GALNT17: variants seen among roughly 807,000 people sequenced by gnomAD.
The protein encoded by GALNT17 is UDP-GalNAc:polypeptide N-acetylgalactosaminyltransferase-like 3.
In GALNT17, 29 loss-of-function variants were observed where a neutral mutation model predicts 63.7. The observed-to-expected ratio is 0.46, with a 90% CI of 0.34 to 0.62. The LOEUF (loss-of-function observed/expected upper bound fraction) is 0.62. Among genes scored for constraint, GALNT17 ranks in the 20% least tolerant of loss-of-function variants. The pLI is 0.01. For missense variants in GALNT17, 603 were observed against 799.6 expected, an observed-to-expected ratio of 0.75 and a Z score of 2.97; for synonymous variants, 305 against 318.3, an observed-to-expected ratio of 0.96 and a Z score of 0.45.
At chr7:71,424,281 A>G (rs1375897888) in intron 5 of GALNT17, among the ~76,000 whole-genome samples, 1 of 152,230 alleles carries the variant, frequency 6.6e-6, no homozygotes, top group Non-Finnish European at 1.5e-5. Flanking sequence ...AGTGAGTTTC[A>G]TGTGTTGGCT....
intron 5 of GALNT17, among the ~76,000 whole-genome samples, chr7:71,452,827 TTTG>T (rs202055378): frequency 3.3e-5 from 5 of 152,274 alleles, no homozygotes; most frequent in African/African-American, 9.6e-5. Flanking sequence ...ATCTTGTTTT[TTTG>T]TTGTTGTTGT....
At chr7:71,155,897 T>G (rs1788226505) in intron 1 of GALNT17, among the ~76,000 whole-genome samples, 1 of 151,850 alleles carries the variant, frequency 6.6e-6, no homozygotes, top group Admixed American at 6.6e-5. Context: ...AGTGAGAACT[T>G]TTAAAAATTT....
At chr7:71,191,761 C>A (rs1451495300) in intron 1 of GALNT17, among the ~76,000 whole-genome samples, 1 of 152,000 alleles carries the variant, frequency 6.6e-6, no homozygotes, top group Non-Finnish European at 1.5e-5. Context: ...CTTTTGTGTG[C>A]CTGCATTTTC....
chr7:71,295,505 C>T (rs1383955013), intron 1 of GALNT17, among the ~76,000 whole-genome samples: 3 of 151,186 alleles, frequency 2.0e-5, no homozygotes, highest in East Asian at 3.9e-4. Context: ...TTTCTTTTTT[C>T]CTTTCTTCCT....
chr7:71,213,529 T>C (rs1789420950), intron 1 of GALNT17, among the ~76,000 whole-genome samples: 3 of 152,246 alleles, frequency 2.0e-5, no homozygotes, highest in African/African-American at 7.2e-5. Flanking sequence ...TATATATCCA[T>C]TTCTTAAGTG....
chr7:71,239,232 G>C (rs1789949201), intron 1 of GALNT17, among the ~76,000 whole-genome samples: 1 of 152,136 alleles, frequency 6.6e-6, no homozygotes, highest in Non-Finnish European at 1.5e-5. Flanking sequence ...GGCTGAGGTG[G>C]GAGGATTACT....
At chr7:71,196,769 T>C (rs1324916107) in intron 1 of GALNT17, among the ~76,000 whole-genome samples, 1 of 152,128 alleles carries the variant, frequency 6.6e-6, no homozygotes, top group East Asian at 1.9e-4. Flanking sequence ...TTCTCCTGCC[T>C]CAGCCTCCTG....
intron 5 of GALNT17, among the ~76,000 whole-genome samples, chr7:71,451,559 T>C (rs1035107357): frequency 4.6e-5 from 7 of 152,224 alleles, no homozygotes; most frequent in Non-Finnish European, 7.3e-5. Flanking sequence ...ATTTGAATTT[T>C]ATTAATTCAT....
In GALNT17 at chr7:71,335,644, T is replaced by C. The variant is rs767151690; in HGVS notation, c.333T>C (p.Ala111=). The C allele has an allele frequency of 3.3e-5, 53 of 1,613,648 alleles. No homozygotes were observed. The highest frequency in any genetic ancestry group is 4.2e-5 in the Non-Finnish European group (50 of 1,179,846). The change falls in exon 2 of 11, where the codon GCT becomes GCC. Residue 111 remains alanine (A), a synonymous_variant. Coordinates refer to ENST00000333538, the MANE Select transcript of GALNT17 (RefSeq NM_022479.3). ...TTTCCCCGGCTGAAGAAGAAAAGGC[T>C]AAGGGACCCCATGAGAAGTATGGCT... ...ATLSPAEEEK[A]KGPHEKYGYN... is the part of the protein sequence containing the mutation.
At chr7:71,457,219 C>G (rs1184071448) in intron 5 of GALNT17, among the ~76,000 whole-genome samples, 1 of 152,182 alleles carries the variant, frequency 6.6e-6, no homozygotes, top group Non-Finnish European at 1.5e-5. Context: ...TTGAGGCCTG[C>G]AGGGAATTTC....
chr7:71,684,647 C>T (rs535403248), intron 9 of GALNT17, among the ~76,000 whole-genome samples: 7 of 152,232 alleles, frequency 4.6e-5, no homozygotes, highest in African/African-American at 1.2e-4. Flanking sequence ...TAAATAGTAA[C>T]CTCCTCCCAT....
chr7:71,510,059 C>G (rs547006816), intron 5 of GALNT17, among the ~76,000 whole-genome samples: 61 of 152,178 alleles, frequency 4.0e-4, no homozygotes, highest in Non-Finnish European at 6.0e-4. Context: ...ATCCTCCTGC[C>G]TTGGTCTCCC....
At chr7:71,271,462 A>G (rs1368997687) in intron 1 of GALNT17, among the ~76,000 whole-genome samples, 1 of 152,230 alleles carries the variant, frequency 6.6e-6, no homozygotes, top group African/African-American at 2.4e-5. Context: ...AGATAACCTC[A>G]TGTCCAGGAA....
intron 1 of GALNT17, among the ~76,000 whole-genome samples, chr7:71,324,148 GAA>G (rs1791663238): frequency 6.6e-6 from 1 of 152,164 alleles, no homozygotes; most frequent in Non-Finnish European, 1.5e-5. Context: ...CATATTACGT[GAA>G]AACTTTGGGA....
At chr7:71,392,009 A>G (rs911513512) in intron 3 of GALNT17, among the ~76,000 whole-genome samples, 1 of 152,074 alleles carries the variant, frequency 6.6e-6, no homozygotes, top group African/African-American at 2.4e-5. Context: ...ACCATGAAGG[A>G]GGCATCGAGC....
chr7:71,640,252 C>T (rs998553931), intron 6 of GALNT17, among the ~76,000 whole-genome samples: 4 of 152,112 alleles, frequency 2.6e-5, no homozygotes, highest in South Asian at 2.1e-4. Flanking sequence ...CTCTTTGGTT[C>T]GATTTTCCCT....
intron 1 of GALNT17, among the ~76,000 whole-genome samples, chr7:71,216,395 A>G (rs1789478262): frequency 6.6e-6 from 1 of 152,148 alleles, no homozygotes; most frequent in African/African-American, 2.4e-5. Flanking sequence ...GCTCTGGGGG[A>G]ACGCCAGAAG....
At chr7:71,389,192 G>A (rs1345065220) in intron 3 of GALNT17, among the ~76,000 whole-genome samples, 2 of 151,864 alleles carry the variant, frequency 1.3e-5, no homozygotes, top group African/African-American at 4.8e-5. Flanking sequence ...GGAGTGCAGT[G>A]GTATGATCTT....
At chr7:71,386,335 T>C (rs1386910491) in intron 2 of GALNT17, among the ~76,000 whole-genome samples, 4 of 152,214 alleles carry the variant, frequency 2.6e-5, no homozygotes, top group African/African-American at 9.6e-5. Flanking sequence ...TCTGCTTCTC[T>C]CTCACTCCAT....
Sources: gnomAD v4.1 joint callset for allele counts (sites outside exome capture counted in the v4.1 genomes callset) on GRCh38, gnomAD v4.1.1 for gene constraint, MANE v1.5 for transcripts, NCBI Gene and HGNC (gene_info 2026-07-23, HGNC 2026-07-21) for gene names.